Variants in JPH2 observed in about 807,000 individuals in gnomAD.
JPH2 encodes junctophilin-2.
A neutral mutation model predicts 55.9 loss-of-function variants in JPH2; 38 were observed. That is an observed-to-expected ratio of 0.68 (90% CI 0.52 to 0.89). JPH2 has a LOEUF of 0.89. JPH2 is among the 40% of genes least tolerant of loss of function. The probability of loss-of-function intolerance (pLI) is 0.00; values close to 1 mark genes in which losing one functional copy is unlikely to be tolerated. For missense variants in JPH2, 964 were observed against 1,037.6 expected, an observed-to-expected ratio of 0.93 and a Z score of 0.97; for synonymous variants, 480 against 472.4, an observed-to-expected ratio of 1.02 and a Z score of -0.21.
At chr20:44,142,129 AG>A (rs1455498869) in intron 2 of JPH2, among the ~76,000 whole-genome samples, 10 of 152,130 alleles carry the variant, frequency 6.6e-5, no homozygotes, top group African/African-American at 1.9e-4. Flanking sequence ...AAAGGCCCCC[AG>A]GATGTGTGCC....
intron 2 of JPH2, among the ~76,000 whole-genome samples, chr20:44,156,914 T>C (rs935189213): frequency 1.3e-5 from 2 of 152,208 alleles, no homozygotes; most frequent in East Asian, 1.9e-4. Context: ...CACACACTTA[T>C]AGCAGTGTAA....
rs6103653 is a variant in JPH2, at chr20:44,147,059, G to A, written c.1169+12559C>T. On this transcript the variant is annotated intron_variant, in intron 2 of 5. Coordinates refer to ENST00000372980, the MANE Select transcript of JPH2 (RefSeq NM_020433.5). ...AGAGGTGGGGTGAGACACTAGATGG[G>A]GTTGGCTGGATTTCTGCTGAATTCA... 3.5e-3 allele frequency among the ~76,000 whole-genome samples: 533 copies of A among 152,210 alleles called. 5 individuals carry two copies. Among genetic ancestry groups the A allele is most frequent in the African/African-American group, 0.012 (502 of 41,504 alleles).
chr20:44,184,232 T>C (rs989393412), intron 1 of JPH2, among the ~76,000 whole-genome samples: 4 of 152,168 alleles, frequency 2.6e-5, no homozygotes, highest in African/African-American at 9.7e-5. Context: ...ATTGAGGATG[T>C]TACGTAGGGG....
chr20:44,165,596 T>C (rs886218677), intron 1 of JPH2, among the ~76,000 whole-genome samples: 3 of 152,162 alleles, frequency 2.0e-5, no homozygotes, highest in African/African-American at 7.2e-5. Context: ...GAAGAAAAGC[T>C]GAAGTCCTTA....
At position 44,116,439 on chromosome 20, in the gene JPH2, G is replaced by A. The variant is rs1330991323; in HGVS notation, c.1289-53C>T. 16 of 1,534,682 alleles carry A rather than the reference G, an allele frequency of 1.0e-5. No individual in the cohort carries two copies. In the East Asian group the frequency reaches 3.9e-4, roughly 38 times the overall value. On this transcript the variant is annotated intron_variant, in intron 3 of 5. Transcript: ENST00000372980. ...CTCGAACCCCGCACCACTGTTGGGTGATCCTGGGCCAGCCACTTCACCTCT... is the reference window on the plus strand; with the variant it reads ...CTCGAACCCCGCACCACTGTTGGGTAATCCTGGGCCAGCCACTTCACCTCT...
intron 1 of JPH2, among the ~76,000 whole-genome samples, chr20:44,179,127 A>G (rs1421984714): frequency 6.6e-6 from 1 of 152,224 alleles, no homozygotes; most frequent in Non-Finnish European, 1.5e-5. Context: ...TAGTAGTAGT[A>G]GTAATAAAAG....
At position 44,160,208 on chromosome 20, in the gene JPH2, G is replaced by A. The variant is rs534491843; in HGVS notation, c.579C>T (p.Pro193=). Residue 193 remains proline (P), a synonymous_variant, in exon 2 of 6, where the codon CCC becomes CCT. Coordinates refer to ENST00000372980, the MANE Select transcript of JPH2 (RefSeq NM_020433.5). The surrounding 1 kb of genome is among the most constrained non-coding windows in gnomAD (Gnocchi z 4.9). The part of the protein sequence containing the change: ...PASDGPALPS[P]AIPRGGFALS... Reference sequence around the variant, plus strand: ...GCGCGAAGCCGCCACGCGGGATGGCGGGCGAGGGCAGCGCGGGGCCGTCGG... The same window carrying A: ...GCGCGAAGCCGCCACGCGGGATGGCAGGCGAGGGCAGCGCGGGGCCGTCGG... 2.1e-5 allele frequency: 30 copies of A among 1,411,558 alleles called. No homozygotes were observed. The African/African-American group carries it at 3.8e-4, about 18-fold the overall frequency. The allele number at this position is 1,411,558 out of a possible 1,614,324, so 87.4% of individuals were successfully genotyped here.
chr20:44,177,914 T>A, intron 1 of JPH2: 1 of 1,478,440 alleles, frequency 6.8e-7, no homozygotes, highest in Non-Finnish European at 9.5e-7. Flanking sequence ...TGATGCTCAG[T>A]GCTTCATTGT....
chr20:44,138,750 CTTCTTT>C (rs922982113), intron 2 of JPH2, among the ~76,000 whole-genome samples: 8 of 152,024 alleles, frequency 5.3e-5, no homozygotes, highest in African/African-American at 1.7e-4. Context: ...TCTTTTTCTT[CTTCTTT>C]TTCTTTTTTT....
At position 44,160,438 on chromosome 20, in the gene JPH2, C is replaced by T. The variant is rs1172549181; in HGVS notation, c.380-31G>A. On this transcript the variant is annotated intron_variant, in intron 1 of 5. Coordinates refer to ENST00000372980, the MANE Select transcript of JPH2 (RefSeq NM_020433.5). The surrounding 1 kb of genome is among the most constrained non-coding windows in gnomAD (Gnocchi z 4.9). ...GGCGAGGAGAGGGCGCGTCAGTAGG[C>T]GGCACGACGGGTCCCCGCGTGTGCA... is the stretch of plus-strand genomic sequence containing the variant. 2.5e-6 allele frequency: 4 copies of T among 1,600,240 alleles called. No homozygotes were observed. The highest frequency in any genetic ancestry group is 2.3e-5 in the East Asian group (1 of 44,406).
intron 1 of JPH2, among the ~76,000 whole-genome samples, chr20:44,164,032 A>G (rs1458102578): frequency 6.6e-6 from 1 of 152,248 alleles, no homozygotes; most frequent in African/African-American, 2.4e-5. Flanking sequence ...TATGACCTCT[A>G]TTTCATAGGT....
chr20:44,125,335 T>C (rs916744155), intron 2 of JPH2, among the ~76,000 whole-genome samples: 3 of 136,494 alleles, frequency 2.2e-5, no homozygotes, highest in Admixed American at 7.2e-5. Context: ...ATTCACTCAA[T>C]GAATGTCTCC....
intron 1 of JPH2, among the ~76,000 whole-genome samples, chr20:44,161,898 G>A (rs1398631538): frequency 1.3e-5 from 2 of 151,758 alleles, no homozygotes; most frequent in African/African-American, 4.8e-5. Context: ...CTCTCCCTTC[G>A]GTAGCTCCAG....
intron 2 of JPH2, among the ~76,000 whole-genome samples, chr20:44,154,356 T>C (rs147279187): frequency 1.5e-3 from 231 of 152,344 alleles, no homozygotes; most frequent in African/African-American, 5.3e-3. Flanking sequence ...AAATGATTAA[T>C]AGGTTACTTT....
At chr20:44,120,318 G>A (rs1441831506) in intron 2 of JPH2, among the ~76,000 whole-genome samples, 1 of 152,146 alleles carries the variant, frequency 6.6e-6, no homozygotes, top group Non-Finnish European at 1.5e-5. Context: ...CGTGACAGGA[G>A]CAAATTTTAA....
intron 1 of JPH2, among the ~76,000 whole-genome samples, chr20:44,185,996 G>C (rs145385142): frequency 1.3e-5 from 2 of 152,278 alleles, no homozygotes; most frequent in East Asian, 3.9e-4. Context: ...AATTCTGCTA[G>C]AGTATATTCC....
chr20:44,130,996 A>G (rs1284728095), intron 2 of JPH2, among the ~76,000 whole-genome samples: 1 of 152,198 alleles, frequency 6.6e-6, no homozygotes, highest in Non-Finnish European at 1.5e-5. Context: ...AGACAAGTCA[A>G]TTAGTCCCTC....
At chr20:44,173,445 C>A (rs1185206569) in intron 1 of JPH2, among the ~76,000 whole-genome samples, 1 of 152,078 alleles carries the variant, frequency 6.6e-6, no homozygotes, top group Non-Finnish European at 1.5e-5. Flanking sequence ...ATCAACATTT[C>A]CCTCTCCCTA....
intron 2 of JPH2, among the ~76,000 whole-genome samples, chr20:44,149,257 A>G (rs964897113): frequency 2.0e-5 from 3 of 151,812 alleles, no homozygotes; most frequent in Non-Finnish European, 2.9e-5. Flanking sequence ...TCCCTGCATT[A>G]GCCTCCTCAC....
Sources: gnomAD v4.1 joint callset for allele counts (sites outside exome capture counted in the v4.1 genomes callset) on GRCh38, gnomAD v4.1.1 for gene constraint, Gnocchi (gnomAD v3.1) non-coding constraint, MANE v1.5 for transcripts, NCBI Gene and HGNC (gene_info 2026-07-23, HGNC 2026-07-21) for gene names.